The following LRP1B variants were observed in gnomAD, a reference collection of about 807,000 sequenced individuals.
LRP1B encodes low-density lipoprotein receptor-related protein 1B.
Under a neutral mutation model 556.6 loss-of-function variants are expected in LRP1B, and 217 were observed. That is an observed-to-expected ratio of 0.39 (90% CI 0.35 to 0.44). The LOEUF is 0.44. Among genes scored for constraint, LRP1B ranks in the 20% least tolerant of loss-of-function variants. The pLI, the probability that LRP1B is intolerant of heterozygous loss-of-function variation, is 1.00. For missense variants in LRP1B, 5,053 were observed against 5,620.8 expected, an observed-to-expected ratio of 0.90 and a Z score of 3.23; for synonymous variants, 2,047 against 1,865.8, an observed-to-expected ratio of 1.10 and a Z score of -2.50.
intron 60 of LRP1B, 49 bp downstream of exon 60, chr2:140,475,089 T>C: frequency 1.1e-6 from 1 of 914,830 alleles, no homozygotes; most frequent in Non-Finnish European, 1.5e-6. Context: ...TTTAAATAAA[T>C]ATTTTATGAC....
chr2:141,938,248 C>T (rs1160805408), intron 1 of LRP1B, among the ~76,000 whole-genome samples: 1 of 152,068 alleles, frequency 6.6e-6, no homozygotes, highest in Non-Finnish European at 1.5e-5. Context: ...AACTCACACA[C>T]TCAATAACAA....
intron 3 of LRP1B, among the ~76,000 whole-genome samples, chr2:141,343,928 C>G (rs1345102994): frequency 6.6e-6 from 1 of 152,108 alleles, no homozygotes; most frequent in East Asian, 1.9e-4. Flanking sequence ...ATTCCCAGCT[C>G]TCTCTCTCTT....
rs1045148758 is a variant in LRP1B, at chr2:141,176,318, A to T, written c.1013+12103T>A. On this transcript the variant is annotated intron_variant, in intron 7 of 90. Coordinates refer to ENST00000389484, the MANE Select transcript of LRP1B (RefSeq NM_018557.3). ...CCACCCAAATCTCATGTCCCATTGT[A>T]ATCCCCACATTGCACAGGAGGGTTC... 9.2e-5 allele frequency among the ~76,000 whole-genome samples: 14 copies of T among 152,190 alleles called. No individual in the cohort carries two copies. The South Asian group carries it at 2.7e-3, about 29-fold the overall frequency.
chr2:140,974,545 A>T (rs1004962057), intron 18 of LRP1B, among the ~76,000 whole-genome samples: 2 of 152,222 alleles, frequency 1.3e-5, no homozygotes, highest in African/African-American at 2.4e-5. Flanking sequence ...TTGAATAAAC[A>T]TGTATATGTT....
intron 1 of LRP1B, among the ~76,000 whole-genome samples, chr2:141,883,843 A>AAAC (rs897519841): frequency 7.2e-5 from 11 of 152,132 alleles, no homozygotes; most frequent in Admixed American, 1.3e-4. Flanking sequence ...GTTTAAAAGA[A>AAAC]AACAACAACA....
At chr2:140,492,548 C>T in intron 57 of LRP1B, 60 bp downstream of exon 57, 2 of 1,132,550 alleles carry the variant, frequency 1.8e-6, no homozygotes, top group East Asian at 2.4e-5. Flanking sequence ...AGTTCTACAG[C>T]TCTAACACAT....
At chr2:141,077,704 C>G (rs1244496143) in intron 7 of LRP1B, among the ~76,000 whole-genome samples, 1 of 152,190 alleles carries the variant, frequency 6.6e-6, no homozygotes, top group African/African-American at 2.4e-5. Flanking sequence ...CAGCTCTTGC[C>G]TGAGAGTTCC....
intron 2 of LRP1B, among the ~76,000 whole-genome samples, chr2:141,636,139 T>C (rs1292553811): frequency 2.6e-5 from 4 of 152,090 alleles, no homozygotes; most frequent in African/African-American, 7.2e-5. Context: ...CCTGAACTAA[T>C]GGAGGAGCTT....
intron 16 of LRP1B, among the ~76,000 whole-genome samples, chr2:140,992,172 G>A (rs1414814273): frequency 1.3e-5 from 2 of 151,840 alleles, no homozygotes; most frequent in Non-Finnish European, 2.9e-5. Flanking sequence ...AATTATTTAG[G>A]AAGTAGAAAA....
At chr2:141,851,804 G>T (rs966839680) in intron 1 of LRP1B, among the ~76,000 whole-genome samples, 1 of 151,620 alleles carries the variant, frequency 6.6e-6, no homozygotes, top group African/African-American at 2.4e-5. Flanking sequence ...TATCCAAATA[G>T]ACATACCTAT....
chr2:141,049,232 A>T lies in LRP1B; in HGVS notation c.1553-10T>A, dbSNP rs1215024950. The stretch of plus-strand genomic sequence containing the variant: ...AACTCATTCTTTGGTCCTGCAGAGG[A>T]AAGATTACAAACACAAACAACTGAT... On this transcript the variant is annotated splice_polypyrimidine_tract_variant and intron_variant, in intron 10 of 90. Coordinates refer to ENST00000389484, the MANE Select transcript of LRP1B (RefSeq NM_018557.3). 3 of 1,549,162 alleles carry T rather than the reference A, an allele frequency of 1.9e-6. No homozygotes were observed. Among genetic ancestry groups the T allele is most frequent in the Non-Finnish European group, 1.8e-6 (2 of 1,121,436 alleles).
chr2:142,104,278 C>T (rs146605976), intron 1 of LRP1B, among the ~76,000 whole-genome samples: 2,042 of 152,142 alleles, frequency 0.013, 43 homozygotes, highest in African/African-American at 0.047. Context: ...CATTCTTTTA[C>T]GGGAGAGTTT....
chr2:141,360,026 T>C (rs1688766266), intron 3 of LRP1B, among the ~76,000 whole-genome samples: 1 of 152,124 alleles, frequency 6.6e-6, no homozygotes, highest in African/African-American at 2.4e-5. Context: ...AAATCAGTAA[T>C]AAGTGTGTAG....
intron 41 of LRP1B, among the ~76,000 whole-genome samples, chr2:140,694,713 T>A (rs1277091271): frequency 6.6e-6 from 1 of 152,160 alleles, no homozygotes; most frequent in Admixed American, 6.5e-5. Context: ...TATTAGTTTA[T>A]CCTCCAAGTT....
intron 15 of LRP1B, among the ~76,000 whole-genome samples, chr2:141,003,090 C>T (rs575868784): frequency 6.6e-6 from 1 of 151,906 alleles, no homozygotes; most frequent in South Asian, 2.1e-4. Flanking sequence ...ATTGTTATGT[C>T]TAATAGACAT....
chr2:140,507,239 T>C (rs961912740), intron 52 of LRP1B, among the ~76,000 whole-genome samples: 1 of 152,094 alleles, frequency 6.6e-6, no homozygotes, highest in Non-Finnish European at 1.5e-5. Context: ...TTAGAAAAAA[T>C]ATCTCAGCTA....
intron 7 of LRP1B, among the ~76,000 whole-genome samples, chr2:141,064,176 G>T (rs10803480): frequency 0.84 from 126,948 of 151,800 alleles, 53,598 homozygotes; most frequent in Non-Finnish European, 0.89. Flanking sequence ...CTAAAACAGA[G>T]AATTTTCAGA....
At chr2:141,438,430 A>G (rs1262865060) in intron 3 of LRP1B, among the ~76,000 whole-genome samples, 2 of 152,178 alleles carry the variant, frequency 1.3e-5, no homozygotes, top group African/African-American at 2.4e-5. Context: ...CCGCAGATCC[A>G]TGGGTAGAAT....
rs556222990 is a variant in LRP1B, at chr2:141,537,574, A to T, written c.206-57041T>A. 1.9e-3 allele frequency among the ~76,000 whole-genome samples: 293 copies of T among 152,250 alleles called. 1 individual carries two copies. Among genetic ancestry groups the T allele is most frequent in the African/African-American group, 6.4e-3 (267 of 41,576 alleles). ...CATAAAACTGTGTAACTTTAGGTAA[A>T]TCACTTCATCTATTTGAATTTCTAT... is the stretch of plus-strand genomic sequence containing the variant. On this transcript the variant is annotated intron_variant, in intron 2 of 90. Coordinates refer to ENST00000389484, the MANE Select transcript of LRP1B (RefSeq NM_018557.3).
Sources: allele counts gnomAD v4.1 joint callset (sites outside exome capture counted in the v4.1 genomes callset), GRCh38; gene constraint gnomAD v4.1.1; transcripts MANE v1.5; gene names NCBI Gene and HGNC (gene_info 2026-07-23, HGNC 2026-07-21).